HEXB: variants seen among roughly 807,000 people sequenced by gnomAD.
HEXB encodes hexosaminidase subunit beta.
A neutral mutation model predicts 71.2 loss-of-function variants in HEXB; 51 were observed. That is an observed-to-expected ratio of 0.72 (90% CI 0.57 to 0.90). HEXB has a LOEUF of 0.90. HEXB is among the 40% of genes least tolerant of loss of function. HEXB has a pLI of 0.00. For synonymous variants in HEXB, 266 were observed against 249.3 expected, an observed-to-expected ratio of 1.07 and a Z score of -0.63; for missense variants, 617 against 677.0, an observed-to-expected ratio of 0.91 and a Z score of 0.98.
rs573447174 is a variant in HEXB at position 74,696,733 on chromosome 5, T to G, written c.552T>G (p.Tyr184Ter). 6.3e-6 allele frequency: 9 copies of G among 1,436,982 alleles called. No individual in the cohort carries two copies. The highest frequency in any genetic ancestry group is 8.8e-6 in the Non-Finnish European group (9 of 1,019,842). The allele number at this position is 1,436,982 out of a possible 1,614,324, so 89.0% of individuals were successfully genotyped here. A position where few individuals can be genotyped will look rare whatever the true frequency, so the allele number is the denominator to read the frequency against. ...GCCAGTTAGTTTATCAAGATTCTTA[T>G]GGAACTGTAAGTATGATTATTATAT... ...TFSQLVYQDS[Y>*]GTFTINESTI... Residue 184 changes from tyrosine to a stop codon, truncating the protein, a stop_gained, in exon 4 of 14, where the codon TAT (tyrosine) becomes TAG (stop). Coordinates refer to ENST00000261416, the MANE Select transcript of HEXB (RefSeq NM_000521.4). LOFTEE classifies it high-confidence loss of function.
Position 74,647,818 on chromosome 5 carries a change from A to C in HEXB, c.-377+7260A>C, listed in dbSNP as rs576949806. On this transcript the variant is annotated intron_variant, in intron 1 of 13. Transcript: ENST00000511181. ...CAGTTATCTGAGAAATTGTGGTTTCATTCATTTAGCCAATCAGTCATTCAT... is the reference window on the plus strand; with the variant it reads ...CAGTTATCTGAGAAATTGTGGTTTCCTTCATTTAGCCAATCAGTCATTCAT... Among the ~76,000 whole-genome samples the C allele has an allele frequency of 3.9e-5, 6 of 152,218 alleles. No homozygotes were observed. In the East Asian group the frequency reaches 1.2e-3, roughly 29 times the overall value.
At chr5:74,644,842 G>A (rs1223157828) in intron 1 of HEXB, among the ~76,000 whole-genome samples, 1 of 132,148 alleles carries the variant, frequency 7.6e-6, no homozygotes, top group Non-Finnish European at 1.5e-5. Flanking sequence ...CGCAATCTCG[G>A]CTCACTACAA....
rs554741835 is a variant in HEXB at position 74,652,284 on chromosome 5, G to C, written c.-377+11726G>C. Among the ~76,000 whole-genome samples, 35 of 152,288 alleles carry C rather than the reference G, an allele frequency of 2.3e-4. No individual in the cohort carries two copies. The highest frequency in any genetic ancestry group is 1.5e-3 in the South Asian group (7 of 4,820). ...GGGGCAATGATGCGTTTGAACTTGTGCAAGAATCCAGTTATTAAATGGCAG... is the reference window on the plus strand; with the variant it reads ...GGGGCAATGATGCGTTTGAACTTGTCCAAGAATCCAGTTATTAAATGGCAG... On this transcript the variant is annotated intron_variant, in intron 1 of 13. Coordinates refer to the HEXB transcript ENST00000511181. This position sits in a 1 kb window ranked among gnomAD's most constrained non-coding sequence, Gnocchi z 5.4.
chr5:74,677,490 C>CTTTTTTTTTTTTT (rs566302720), intron 1 of HEXB, among the ~76,000 whole-genome samples: 10 of 77,284 alleles, frequency 1.3e-4, no homozygotes, highest in African/African-American at 2.1e-4. Flanking sequence ...TCTTCTTCTT[C>CTTTTTTTTTTTTT]TTTTTTTTTT....
At chr5:74,672,379 C>T (rs756296795) in intron 1 of HEXB, among the ~76,000 whole-genome samples, 12 of 152,244 alleles carry the variant, frequency 7.9e-5, no homozygotes, top group African/African-American at 1.2e-4. Context: ...CTGCACAGCT[C>T]TTCGTGCCAA....
At chr5:74,660,897 A>T (rs1748305656) in intron 1 of HEXB, among the ~76,000 whole-genome samples, 1 of 152,232 alleles carries the variant, frequency 6.6e-6, no homozygotes, top group Non-Finnish European at 1.5e-5. Flanking sequence ...AAGACAAGGC[A>T]TTGACTGGAA....
intron 5 of HEXB, among the ~76,000 whole-genome samples, chr5:74,698,157 A>G (rs1749158858): frequency 6.6e-6 from 1 of 151,792 alleles, no homozygotes; most frequent in African/African-American, 2.4e-5. Flanking sequence ...GGCTCACTGC[A>G]ACCTCTGCCT....
At chr5:74,715,348 C>T (rs962935527) in intron 7 of HEXB, among the ~76,000 whole-genome samples, 162 bp from the exon 8 acceptor site, 3 of 152,070 alleles carry the variant, frequency 2.0e-5, no homozygotes, top group Non-Finnish European at 4.4e-5. Flanking sequence ...TTCAGGAAAC[C>T]CTTCTTATCT....
At chr5:74,671,716 A>G (rs1748543624) in intron 1 of HEXB, among the ~76,000 whole-genome samples, 1 of 152,214 alleles carries the variant, frequency 6.6e-6, no homozygotes, top group South Asian at 2.1e-4. Flanking sequence ...AACTGTAAAA[A>G]TAAATTTTAT....
At chr5:74,685,635 C>T in intron 1 of HEXB, 76 bp downstream of exon 1, 1 of 1,325,910 alleles carries the variant, frequency 7.5e-7, no homozygotes. Flanking sequence ...CTGTGCAGAC[C>T]CTCACCACCC....
chr5:74,684,516 T>C (rs1014460042), upstream of HEXB, among the ~76,000 whole-genome samples: 3 of 152,172 alleles, frequency 2.0e-5, no homozygotes, highest in Non-Finnish European at 4.4e-5. Flanking sequence ...TATCTGGTGG[T>C]TGGGCTGAGA....
intron 1 of HEXB, among the ~76,000 whole-genome samples, chr5:74,688,107 T>G (rs1382398476): frequency 6.6e-6 from 1 of 152,170 alleles, no homozygotes; most frequent in Non-Finnish European, 1.5e-5. Context: ...TTACATAATT[T>G]TTATTTAATG....
intron 7 of HEXB, among the ~76,000 whole-genome samples, chr5:74,714,768 T>C (rs973548173): frequency 2.0e-5 from 3 of 152,222 alleles, no homozygotes; most frequent in Admixed American, 6.5e-5. Flanking sequence ...CATTTATAAT[T>C]GCTCAATATT....
intron 1 of HEXB, among the ~76,000 whole-genome samples, chr5:74,665,423 TG>T (rs1280426414): frequency 6.6e-6 from 1 of 152,114 alleles, no homozygotes; most frequent in African/African-American, 2.4e-5. Context: ...TCTGTGTGTG[TG>T]TGTGTGTGTG....
Position 74,689,414 on chromosome 5 carries a change from T to C in HEXB, c.386T>C (p.Val129Ala). ...QAKTQVQQLL[V>A]SITLQSECDA... ...AAAACCCAGGTTCAGCAACTTCTTGTCTCAATCACCCTTCAGTCAGAGTGT... is the reference window on the plus strand; with the variant it reads ...AAAACCCAGGTTCAGCAACTTCTTGCCTCAATCACCCTTCAGTCAGAGTGT... The change falls in exon 2 of 14, where the codon GTC becomes GCC. Residue 129 changes from valine to alanine, a missense_variant. By Grantham distance (64) the Val-to-Ala change is moderately conservative. Transcript: ENST00000261416. 1 of 1,613,518 alleles carries C rather than the reference T, an allele frequency of 6.2e-7. No homozygotes were observed. Among genetic ancestry groups the C allele is most frequent in the Non-Finnish European group, 8.5e-7 (1 of 1,179,406 alleles).
intron 1 of HEXB, among the ~76,000 whole-genome samples, chr5:74,671,552 G>A (rs183084295): frequency 1.1e-4 from 16 of 152,222 alleles, no homozygotes; most frequent in East Asian, 1.9e-4. Context: ...AGGGTGAAGC[G>A]GGGAGATTGC....
chr5:74,662,926 G>A (rs1262346231), intron 1 of HEXB, among the ~76,000 whole-genome samples: 1 of 152,184 alleles, frequency 6.6e-6, no homozygotes, highest in Non-Finnish European at 1.5e-5. Context: ...CTGGCTAAGT[G>A]AGGAATCCAA....
intron 6 of HEXB, chr5:74,705,584 G>A (rs1217135109): frequency 2.3e-6 from 1 of 435,546 alleles, no homozygotes; most frequent in African/African-American, 2.0e-5. Context: ...TAGAAGCCCT[G>A]AATAATTCTC....
chr5:74,685,477 G>C lies in HEXB; in HGVS notation c.217G>C (p.Ala73Pro), dbSNP rs748047104. 2.5e-6 allele frequency: 4 copies of C among 1,611,366 alleles called. No individual in the cohort carries two copies. The highest frequency in any genetic ancestry group is 3.4e-6 in the Non-Finnish European group (4 of 1,179,004). ...VKMTPNLLHL[A>P]PENFYISHSP... ...GATGACCCCGAACCTGCTGCATCTC[G>C]CCCCGGAGAACTTCTACATCAGCCA... The change falls in exon 1 of 14, where the codon GCC becomes CCC. Residue 73 changes from alanine to proline, a missense_variant. Transcript: ENST00000261416.
Sources: gnomAD v4.1 joint callset for allele counts (sites outside exome capture counted in the v4.1 genomes callset) on GRCh38, gnomAD v4.1.1 for gene constraint, Gnocchi (gnomAD v3.1) non-coding constraint, MANE v1.5 for transcripts, NCBI Gene and HGNC (gene_info 2026-07-23, HGNC 2026-07-21) for gene names.